Variants in GALNT6 observed in about 807,000 individuals in gnomAD.
The protein encoded by GALNT6 is polypeptide N-acetylgalactosaminyltransferase 6, also known as GalNAc transferase 6.
A neutral mutation model predicts 65.9 loss-of-function variants in GALNT6; 51 were observed. The ratio of observed to expected loss-of-function variants is 0.77; its 90% CI spans 0.62 to 0.98. The LOEUF is 0.98. Ranked by LOEUF, GALNT6 falls within the 50% of genes least tolerant of loss-of-function variation. The pLI is 0.00. For synonymous variants in GALNT6, 323 were observed against 315.1 expected (o/e 1.02, Z -0.26); for missense variants, 708 against 803.3 (o/e 0.88, Z 1.43).
At chr12:51,381,190 T>A (rs554997562) in intron 2 of GALNT6, among the ~76,000 whole-genome samples, 1 of 152,210 alleles carries the variant, frequency 6.6e-6, no homozygotes, top group Non-Finnish European at 1.5e-5. Flanking sequence ...CAGTGAGCTA[T>A]AATCGCACCA....
intron 10 of GALNT6, 91 bp from the exon 11 acceptor site, chr12:51,356,049 TGGGG>T: frequency 8.5e-7 from 1 of 1,179,014 alleles, no homozygotes; most frequent in Non-Finnish European, 1.2e-6. Flanking sequence ...CATGGTCTCC[TGGGG>T]AGGAGAGTGA....
intron 6 of GALNT6, 142 bp from the exon 7 acceptor site, chr12:51,360,980 T>G (rs1946909162): frequency 1.6e-6 from 1 of 606,120 alleles, no homozygotes; most frequent in Non-Finnish European, 3.0e-6. Flanking sequence ...CCTCATCCAC[T>G]AACTCACTCA....
chr12:51,382,033 G>A (rs1239509681), intron 2 of GALNT6, among the ~76,000 whole-genome samples: 1 of 152,234 alleles, frequency 6.6e-6, no homozygotes, highest in Non-Finnish European at 1.5e-5. Context: ...CTCAAGTGGG[G>A]AGGTGGATTC....
intron 7 of GALNT6, chr12:51,359,606 G>C (rs1946857120): frequency 9.2e-6 from 3 of 327,116 alleles, no homozygotes; most frequent in Non-Finnish European, 1.7e-5. Context: ...GGAAAAGCCT[G>C]CTGGTTAATT....
intron 10 of GALNT6, 125 bp from the exon 11 acceptor site, chr12:51,356,083 C>T: frequency 2.6e-6 from 2 of 780,148 alleles, no homozygotes; most frequent in South Asian, 3.4e-5. Flanking sequence ...CATGCCAAGA[C>T]TTTACTCATT....
intron 6 of GALNT6, among the ~76,000 whole-genome samples, chr12:51,363,586 A>G (rs982838138): frequency 6.6e-6 from 1 of 152,270 alleles, no homozygotes; most frequent in African/African-American, 2.4e-5. Flanking sequence ...GTTCAGGGCA[A>G]CTGCTACAAA....
rs749780778 is a variant in GALNT6 at position 51,358,204 on chromosome 12, T to C, written c.1426A>G (p.Asn476Asp). ...LQLREQLHCHNFSWYLHNVYP... is the reference protein window; with the variant it reads ...LQLREQLHCHDFSWYLHNVYP... ...ACATTGTGCAGGTACCAGGAAAAGT[T>C]GTGACAGTGCAGTTGTTCCCTCAGC... Residue 476 changes from asparagine to aspartate, a missense_variant, in exon 9 of 12, where the codon AAC becomes GAC. Physicochemically the swap from Asn to Asp is conservative, Grantham distance 23 (BLOSUM62 1). Transcript: ENST00000356317. The C allele has an allele frequency of 3.4e-5, 55 of 1,613,936 alleles. No individual in the cohort carries two copies. Among genetic ancestry groups the C allele is most frequent in the Non-Finnish European group, 4.4e-5 (52 of 1,179,980 alleles).
intron 7 of GALNT6, 61 bp from the exon 8 acceptor site, chr12:51,359,393 A>G: frequency 8.4e-7 from 1 of 1,184,436 alleles, no homozygotes; most frequent in Non-Finnish European, 1.2e-6. Context: ...TCTCCCCATA[A>G]GCAGCTCTAT....
At chr12:51,367,450 G>C (rs4761898) in intron 4 of GALNT6, among the ~76,000 whole-genome samples, 130,792 of 151,858 alleles carry the variant, frequency 0.86, 56,445 homozygotes, top group South Asian at 0.92. Flanking sequence ...AAAAACAAAC[G>C]AAGAATAGCT....
chr12:51,386,676 CTT>C (rs775481681), intron 2 of GALNT6, among the ~76,000 whole-genome samples: 30 of 152,174 alleles, frequency 2.0e-4, no homozygotes, highest in Non-Finnish European at 3.8e-4. Flanking sequence ...TGTCACCACT[CTT>C]ACCACGGGCA....
intron 2 of GALNT6, among the ~76,000 whole-genome samples, chr12:51,383,840 G>A (rs1947746342): frequency 6.6e-6 from 1 of 152,152 alleles, no homozygotes; most frequent in Non-Finnish European, 1.5e-5. Context: ...GGACTTTGGG[G>A]TTAAGGATTT....
At chr12:51,356,793 G>A (rs1286422503) in intron 10 of GALNT6, among the ~76,000 whole-genome samples, 1 of 152,130 alleles carries the variant, frequency 6.6e-6, no homozygotes, top group African/African-American at 2.4e-5. Flanking sequence ...ATGTTCTCCA[G>A]TGCACCACTG....
chr12:51,354,513 A>G, intron 11 of GALNT6, 21 bp from the exon 12 acceptor site: 4 of 1,505,670 alleles, frequency 2.7e-6, no homozygotes, highest in Non-Finnish European at 3.7e-6. Context: ...ACAAAGCAAA[A>G]GGTCAGTCTG....
At position 51,358,120 on chromosome 12, in the gene GALNT6, C is replaced by T; in HGVS notation, c.1500+10G>A. The T allele has an allele frequency of 1.2e-6, 2 of 1,611,958 alleles. No homozygotes were observed. Among genetic ancestry groups the T allele is most frequent in the Non-Finnish European group, 1.7e-6 (2 of 1,178,242 alleles). ...GGTGATGGGCAGGCAGGTTGGTTCTCAAGACTTACGGCACCATAGAAGGTG... is the reference window on the plus strand; with the variant it reads ...GGTGATGGGCAGGCAGGTTGGTTCTTAAGACTTACGGCACCATAGAAGGTG... On this transcript the variant is annotated intron_variant, in intron 9 of 11. Transcript: ENST00000356317.
At chr12:51,374,098 A>C (rs1433693984) in intron 4 of GALNT6, among the ~76,000 whole-genome samples, 2 of 150,742 alleles carry the variant, frequency 1.3e-5, no homozygotes, top group African/African-American at 4.9e-5. Context: ...GGCCTCAAGC[A>C]ATCCTCCTGC....
intron 3 of GALNT6, among the ~76,000 whole-genome samples, chr12:51,378,242 C>T (rs1008196882): frequency 6.6e-6 from 1 of 152,172 alleles, no homozygotes; most frequent in Admixed American, 6.6e-5. Context: ...GCAACCTCCA[C>T]CTCCCAGGTT....
At chr12:51,361,350 T>C (rs1946919455) in intron 6 of GALNT6, among the ~76,000 whole-genome samples, 1 of 152,218 alleles carries the variant, frequency 6.6e-6, no homozygotes, top group African/African-American at 2.4e-5. Context: ...CTCCATTCTG[T>C]TTCAGGGCCC....
intron 2 of GALNT6, among the ~76,000 whole-genome samples, chr12:51,385,693 C>T (rs1947813710): frequency 6.6e-6 from 1 of 152,164 alleles, no homozygotes; most frequent in Non-Finnish European, 1.5e-5. Flanking sequence ...CCCCTTAGCA[C>T]CCGATTTTTA....
At chr12:51,377,072 T>G in intron 4 of GALNT6, 123 bp downstream of exon 4, 28 of 769,918 alleles carry the variant, frequency 3.6e-5, no homozygotes, top group Non-Finnish European at 5.2e-5. Context: ...GCCTTTAAGA[T>G]GAGCTGTGAT....
Sources: allele counts gnomAD v4.1 joint callset (sites outside exome capture counted in the v4.1 genomes callset), GRCh38; gene constraint gnomAD v4.1.1; transcripts MANE v1.5; gene names NCBI Gene and HGNC (gene_info 2026-07-23, HGNC 2026-07-21).